KCNJ10: variants seen among roughly 807,000 people sequenced by gnomAD.
KCNJ10 encodes the protein ATP-sensitive inward rectifier potassium channel 10.
A neutral mutation model predicts 22.2 loss-of-function variants in KCNJ10; 9 were observed. The observed-to-expected ratio is 0.40, with a 90% CI of 0.24 to 0.71. The LOEUF is 0.71. KCNJ10 is among the 30% of genes least tolerant of loss of function. KCNJ10 has a pLI of 0.35. For synonymous variants in KCNJ10, 184 were observed against 187.3 expected, an observed-to-expected ratio of 0.98 and a Z score of 0.15; for missense variants, 337 against 482.7, an observed-to-expected ratio of 0.70 and a Z score of 2.83.
In KCNJ10 at chr1:160,041,217, G is replaced by T; in HGVS notation, c.*176C>A. ...GCTGGGGAAGTGGAAAGGGGACAGTGGGAGGCGAACCTGGACTCCAGTTGG... is the reference window on the plus strand; with the variant it reads ...GCTGGGGAAGTGGAAAGGGGACAGTTGGAGGCGAACCTGGACTCCAGTTGG... On this transcript the variant is annotated 3_prime_UTR_variant, in exon 2 of 2. Coordinates refer to ENST00000644903, the MANE Select transcript of KCNJ10 (RefSeq NM_002241.5). The surrounding 1 kb of genome is among the most constrained non-coding windows in gnomAD (Gnocchi z 4.4). The T allele has an allele frequency of 1.5e-6, 1 of 654,240 alleles. No homozygotes were observed. Among genetic ancestry groups the T allele is most frequent in the Non-Finnish European group, 2.7e-6 (1 of 367,080 alleles). The allele number at this position is 654,240 out of a possible 1,614,324, so 40.5% of individuals were successfully genotyped here. A position where few individuals can be genotyped will look rare whatever the true frequency, so the allele number is the denominator to read the frequency against.
chr1:160,061,919 T>G (rs1649206295), intron 1 of KCNJ10, among the ~76,000 whole-genome samples: 1 of 151,940 alleles, frequency 6.6e-6, no homozygotes. Flanking sequence ...TGTATGCCTG[T>G]GTGTCTCTGC....
intron 1 of KCNJ10, among the ~76,000 whole-genome samples, chr1:160,056,168 T>C (rs1649033153): frequency 6.6e-6 from 1 of 152,154 alleles, no homozygotes; most frequent in African/African-American, 2.4e-5. Flanking sequence ...ACTTGAAGTG[T>C]TGCAATGGTC....
chr1:160,040,239 A>T lies in KCNJ10; in HGVS notation c.*1154T>A, dbSNP rs1411231428. 4 of 308,902 alleles carry T rather than the reference A, an allele frequency of 1.3e-5. No individual in the cohort carries two copies. The Admixed American group carries it at 1.5e-4, about 12-fold the overall frequency. The allele number at this position is 308,902 out of a possible 1,614,324, so 19.1% of individuals were successfully genotyped here. A position where few individuals can be genotyped will look rare whatever the true frequency, so the allele number is the denominator to read the frequency against. Reference sequence around the variant, plus strand: ...GCTCCTGCCCAAACCTTAACAAAGCATCACCAATTCTCAGAGGCTCTGTAC... The same window carrying T: ...GCTCCTGCCCAAACCTTAACAAAGCTTCACCAATTCTCAGAGGCTCTGTAC... On this transcript the variant is annotated 3_prime_UTR_variant, in exon 2 of 2. Transcript: ENST00000644903.
chr1:160,062,100 G>T (rs1649213713), intron 1 of KCNJ10, among the ~76,000 whole-genome samples: 1 of 151,980 alleles, frequency 6.6e-6, no homozygotes, highest in South Asian at 2.1e-4. Flanking sequence ...GCCCCTGTGA[G>T]CCTAGGGCCT....
At chr1:160,061,331 T>A (rs1211575359) in intron 1 of KCNJ10, among the ~76,000 whole-genome samples, 1 of 152,092 alleles carries the variant, frequency 6.6e-6, no homozygotes, top group Non-Finnish European at 1.5e-5. Flanking sequence ...AACTGTTCCA[T>A]CTACCTCCCA....
Position 160,042,409 on chromosome 1 carries a change from C to T in KCNJ10, c.124G>A (p.Glu42Lys), listed in dbSNP as rs794727265. The change falls in exon 2 of 2, where the codon GAG becomes AAG. Residue 42 changes from glutamate (E) to lysine (K), a missense_variant. Physicochemically the swap from Glu to Lys is moderately conservative, Grantham distance 56. This residue lies in a region of KCNJ10 where 107 missense variants were observed against 135.2 expected (regional missense o/e 0.79). Coordinates refer to ENST00000644903, the MANE Select transcript of KCNJ10 (RefSeq NM_002241.5). ...AGGAAGCGCTTGTCGGCAATGTGCT[C>T]CATTCTCACGTTGCTGCGACCATCT... ...TKDGRSNVRM[E>K]HIADKRFLYL... The T allele has an allele frequency of 1.2e-6, 2 of 1,614,196 alleles. No homozygotes were observed. Among genetic ancestry groups the T allele is most frequent in the African/African-American group, 1.3e-5 (1 of 75,048 alleles).
At chr1:160,064,394 T>C (rs188659393) in intron 1 of KCNJ10, among the ~76,000 whole-genome samples, 263 of 152,364 alleles carry the variant, frequency 1.7e-3, no homozygotes, top group Middle Eastern at 3.4e-3. Context: ...AAAGCAACTG[T>C]CTTTGATTAA....
rs1204631729 is a variant in KCNJ10 at position 160,038,657 on chromosome 1, A to G, written c.*2736T>C. 1 of 152,186 alleles carries G rather than the reference A, an allele frequency of 6.6e-6. No homozygotes were observed. Among genetic ancestry groups the G allele is most frequent in the Non-Finnish European group, 1.5e-5 (1 of 68,036 alleles). 9.4% of individuals were successfully genotyped at this position (152,186 alleles called of 1,614,324 possible). On this transcript the variant is annotated 3_prime_UTR_variant, in exon 2 of 2. Coordinates refer to ENST00000644903, the MANE Select transcript of KCNJ10 (RefSeq NM_002241.5). ...GTACATTCAATATATTTGGGCATAT[A>G]TACATCTATATACATCTTTCTATAT...
chr1:160,068,612 C>A (rs545017297), intron 1 of KCNJ10, among the ~76,000 whole-genome samples: 1 of 152,288 alleles, frequency 6.6e-6, no homozygotes, highest in South Asian at 2.1e-4. Context: ...CCTCCTCCCT[C>A]GTTTCTTCCT....
At chr1:160,061,946 G>A (rs998403135) in intron 1 of KCNJ10, among the ~76,000 whole-genome samples, 7 of 152,054 alleles carry the variant, frequency 4.6e-5, no homozygotes, top group Admixed American at 2.0e-4. Flanking sequence ...GAGCCCCGGG[G>A]AGTCCTGTAG....
chr1:160,046,549 C>T (rs1423007674), intron 1 of KCNJ10, among the ~76,000 whole-genome samples: 2 of 152,154 alleles, frequency 1.3e-5, no homozygotes, highest in East Asian at 3.9e-4. Flanking sequence ...CTGGAGATTT[C>T]GGCCACTGCT....
Position 160,039,894 on chromosome 1 carries a change from G to A in KCNJ10, c.*1499C>T, listed in dbSNP as rs1225592186. ...AGCACTCTAGGGATTTGGGGCTTTG[G>A]ATAAAGCTCTGGTGCCTATATGCCC... On this transcript the variant is annotated 3_prime_UTR_variant, in exon 2 of 2. Coordinates refer to ENST00000644903, the MANE Select transcript of KCNJ10 (RefSeq NM_002241.5). The A allele has an allele frequency of 6.6e-6, 1 of 152,238 alleles. No homozygotes were observed. The allele number at this position is 152,238 out of a possible 1,614,324, so 9.4% of individuals were successfully genotyped here.
At chr1:160,049,675 T>TTATTTATATATA (rs1283511580) in intron 1 of KCNJ10, among the ~76,000 whole-genome samples, 47 of 47,080 alleles carry the variant, frequency 1.0e-3, no homozygotes, top group Non-Finnish European at 1.7e-3. Flanking sequence ...TTTTATTTAT[T>TTATTTATATATA]TATATATATA....
In KCNJ10 at chr1:160,037,842, C is replaced by T; in HGVS notation, c.*3551G>A. Reference sequence around the variant, plus strand: ...CTACTGGATGATTTTATTAGGCTGACAGGGGTTGGGGGAATAATGGGGTGA... The same window carrying T: ...CTACTGGATGATTTTATTAGGCTGATAGGGGTTGGGGGAATAATGGGGTGA... On this transcript the variant is annotated 3_prime_UTR_variant, in exon 2 of 2. Transcript: ENST00000644903. 6.5e-6 allele frequency: 1 copy of T among 152,798 alleles called. No individual in the cohort carries two copies. Among genetic ancestry groups the T allele is most frequent in the African/African-American group, 2.4e-5 (1 of 41,586 alleles). The allele number at this position is 152,798 out of a possible 1,614,324, so 9.5% of individuals were successfully genotyped here. A position where few individuals can be genotyped will look rare whatever the true frequency, so the allele number is the denominator to read the frequency against.
In KCNJ10 at chr1:160,041,244, C is replaced by T; in HGVS notation, c.*149G>A. The T allele has an allele frequency of 2.5e-6, 2 of 801,104 alleles. No homozygotes were observed. The highest frequency in any genetic ancestry group is 2.2e-5 in the Admixed American group (1 of 46,478). The allele number at this position is 801,104 out of a possible 1,614,324, so 49.6% of individuals were successfully genotyped here. Reference sequence around the variant, plus strand: ...GAGGCGAACCTGGACTCCAGTTGGCCTAAGCTACCAACAGGCCACTGGGTT... The same window carrying T: ...GAGGCGAACCTGGACTCCAGTTGGCTTAAGCTACCAACAGGCCACTGGGTT... On this transcript the variant is annotated 3_prime_UTR_variant, in exon 2 of 2. Transcript: ENST00000644903. This position sits in a 1 kb window ranked among gnomAD's most constrained non-coding sequence, Gnocchi z 4.4.
chr1:160,049,031 C>T (rs947025244), intron 1 of KCNJ10, among the ~76,000 whole-genome samples: 4 of 152,156 alleles, frequency 2.6e-5, no homozygotes, highest in Non-Finnish European at 4.4e-5. Flanking sequence ...ATTCTCATGG[C>T]ATTCCTATGA....
chr1:160,056,647 T>C (rs148925576), intron 1 of KCNJ10, among the ~76,000 whole-genome samples: 130 of 152,370 alleles, frequency 8.5e-4, no homozygotes, highest in African/African-American at 3.1e-3. Flanking sequence ...TCATCCTTTG[T>C]TCTCCTCTAG....
intron 1 of KCNJ10, among the ~76,000 whole-genome samples, chr1:160,049,747 T>A (rs1266465332): frequency 2.4e-5 from 3 of 127,226 alleles, no homozygotes; most frequent in Non-Finnish European, 4.9e-5. Context: ...GCACAATGTA[T>A]GACACATAGT....
rs1648583015 is a variant in KCNJ10 at position 160,040,832 on chromosome 1, C to T, written c.*561G>A. The T allele has an allele frequency of 2.6e-6, 1 of 380,226 alleles. No homozygotes were observed. The highest frequency in any genetic ancestry group is 2.1e-5 in the African/African-American group (1 of 48,312). 23.6% of individuals were successfully genotyped at this position (380,226 alleles called of 1,614,324 possible). A position where few individuals can be genotyped will look rare whatever the true frequency, so the allele number is the denominator to read the frequency against. On this transcript the variant is annotated 3_prime_UTR_variant, in exon 2 of 2. Coordinates refer to ENST00000644903, the MANE Select transcript of KCNJ10 (RefSeq NM_002241.5). ...GGTTCTAGCTTATGGTCAGAAGTCA[C>T]CAGCAGAAATCAAGCTTCACAGTGG... is the stretch of plus-strand genomic sequence containing the variant.
Sources: allele counts gnomAD v4.1 joint callset (sites outside exome capture counted in the v4.1 genomes callset), GRCh38; gene constraint gnomAD v4.1.1; regional missense constraint gnomAD v4.1.1; non-coding constraint Gnocchi (gnomAD v3.1); transcripts MANE v1.5; gene names NCBI Gene and HGNC (gene_info 2026-07-23, HGNC 2026-07-21).